The following ACADM variants were observed in gnomAD, a reference collection of about 807,000 sequenced individuals.
ACADM encodes medium-chain specific acyl-CoA dehydrogenase, mitochondrial.
ACADM carries 49 observed loss-of-function variants against 58.9 expected under a neutral mutation model. The ratio of observed to expected loss-of-function variants is 0.83; its 90% CI spans 0.66 to 1.06. The LOEUF is 1.06. Among genes scored for constraint, ACADM ranks in the 50% least tolerant of loss-of-function variants. The pLI is 0.00. For synonymous variants in ACADM, 160 were observed against 157.7 expected (o/e 1.01, Z -0.11); for missense variants, 496 against 507.0 (o/e 0.98, Z 0.21).
At chr1:75,761,793 C>A (rs1302797212) in intron 11 of ACADM, among the ~76,000 whole-genome samples, 2 of 152,024 alleles carry the variant, frequency 1.3e-5, no homozygotes, top group African/African-American at 4.8e-5. Flanking sequence ...AGATTAATTC[C>A]AAATTAAATT....
intron 7 of ACADM, chr1:75,745,463 G>A (rs549639246): frequency 3.9e-6 from 1 of 254,660 alleles, no homozygotes. Context: ...TCCAGCCTGC[G>A]CAACAGAGTG....
chr1:75,728,568 A>G (rs1029880524), intron 2 of ACADM, 80 bp downstream of exon 2: 1 of 1,058,320 alleles, frequency 9.4e-7, no homozygotes, highest in Non-Finnish European at 1.5e-6. Context: ...ATGTTTGTAA[A>G]TAAACTTAAT....
At chr1:75,730,966 C>T (rs1053789331) in intron 2 of ACADM, among the ~76,000 whole-genome samples, 2 of 152,044 alleles carry the variant, frequency 1.3e-5, no homozygotes, top group African/African-American at 4.8e-5. Context: ...ACTAGAATTT[C>T]CTTACTCTGC....
At chr1:75,752,933 G>T (rs1648285187) in intron 10 of ACADM, among the ~76,000 whole-genome samples, 1 of 152,124 alleles carries the variant, frequency 6.6e-6, no homozygotes, top group African/African-American at 2.4e-5. Flanking sequence ...GTACTCCAGA[G>T]ATTTCACCAT....
intron 8 of ACADM, among the ~76,000 whole-genome samples, chr1:75,746,696 T>C (rs2100410771): frequency 6.6e-6 from 1 of 151,598 alleles, no homozygotes; most frequent in East Asian, 1.9e-4. Context: ...CCTCCTGGGC[T>C]CAAACAATCA....
chr1:75,753,321 CTG>C (rs1212668039), intron 10 of ACADM, among the ~76,000 whole-genome samples: 2 of 152,132 alleles, frequency 1.3e-5, no homozygotes, highest in East Asian at 3.9e-4. Flanking sequence ...GAGCCCAAAT[CTG>C]AGTCTGATTT....
intron 1 of ACADM, among the ~76,000 whole-genome samples, chr1:75,728,123 C>G (rs895846290): frequency 6.6e-5 from 10 of 152,116 alleles, no homozygotes; most frequent in Admixed American, 5.9e-4. Context: ...CTACTACTAC[C>G]CTTGACTGTT....
chr1:75,733,604 T>C lies in ACADM; in HGVS notation c.363T>C (p.Thr121=), dbSNP rs766081723. The change falls in exon 5 of 12, where the codon ACT becomes ACC. Residue 121 remains threonine, a synonymous_variant. Transcript: ENST00000370841. The part of the protein sequence containing the change: ...ELAYGCTGVQ[T]AIEGNSLGQM... ...CTTATGGATGTACAGGGGTTCAGAC[T>C]GCTATTGAAGGAAATTCTTTGGGGG... is the stretch of plus-strand genomic sequence containing the variant. The C allele has an allele frequency of 2.5e-5, 41 of 1,613,882 alleles. No homozygotes were observed. The highest frequency in any genetic ancestry group is 3.4e-5 in the Non-Finnish European group (40 of 1,179,936).
At chr1:75,750,655 A>G in intron 10 of ACADM, 109 bp downstream of exon 10, 1 of 790,340 alleles carries the variant, frequency 1.3e-6, no homozygotes, top group Non-Finnish European at 2.2e-6. Flanking sequence ...TTTGATAGCA[A>G]GAAGATAATG....
chr1:75,726,430 G>A (rs951881669), intron 1 of ACADM, among the ~76,000 whole-genome samples: 3 of 151,316 alleles, frequency 2.0e-5, no homozygotes, highest in African/African-American at 7.3e-5. Flanking sequence ...TTTTGTGCAT[G>A]GTATTTAAAA....
chr1:75,742,790 G>A (rs866715902), intron 7 of ACADM, among the ~76,000 whole-genome samples: 2 of 152,134 alleles, frequency 1.3e-5, no homozygotes, highest in Non-Finnish European at 2.9e-5. Context: ...TGACCTCAGG[G>A]AACCTCTGCT....
At chr1:75,746,026 A>G in intron 8 of ACADM, 112 bp downstream of exon 8, 1 of 788,118 alleles carries the variant, frequency 1.3e-6, no homozygotes, top group Non-Finnish European at 2.1e-6. Context: ...TGGAGTAAAA[A>G]TAAAGCTATG....
chr1:75,732,163 A>T (rs1182881710), intron 2 of ACADM, among the ~76,000 whole-genome samples: 1 of 151,274 alleles, frequency 6.6e-6, no homozygotes, highest in African/African-American at 2.4e-5. Context: ...AAAAAAAAGC[A>T]AAATTATGAT....
intron 7 of ACADM, chr1:75,743,894 G>A (rs1044012689): frequency 4.9e-6 from 7 of 1,441,004 alleles, no homozygotes; most frequent in African/African-American, 2.8e-5. Context: ...ACAACAGGCT[G>A]TTCCTGCAAG....
At chr1:75,741,278 A>G (rs1469057960) in intron 7 of ACADM, among the ~76,000 whole-genome samples, 2 of 152,202 alleles carry the variant, frequency 1.3e-5, no homozygotes, top group Non-Finnish European at 2.9e-5. Context: ...GCCTACTAAA[A>G]AGTTACTTAG....
intron 1 of ACADM, among the ~76,000 whole-genome samples, chr1:75,726,799 A>G (rs1417301942): frequency 7.9e-6 from 1 of 126,376 alleles, no homozygotes; most frequent in Non-Finnish European, 1.7e-5. Context: ...AAACTGTTTC[A>G]CTTTTTTTTT....
intron 7 of ACADM, chr1:75,743,309 G>T: frequency 2.4e-6 from 3 of 1,242,804 alleles, no homozygotes; most frequent in Non-Finnish European, 3.4e-6. Flanking sequence ...CTTGCTTGAG[G>T]CCAACAGCAT....
rs760335676 is a variant in ACADM at position 75,761,222 on chromosome 1, G to A, written c.1046G>A (p.Arg349Gln). 17 of 1,614,018 alleles carry A rather than the reference G, an allele frequency of 1.1e-5. No individual in the cohort carries two copies. The highest frequency in any genetic ancestry group is 4.0e-5 in the African/African-American group (3 of 74,912). The change falls in exon 11 of 12, where the codon CGA (arginine) becomes CAA (glutamine). Residue 349 changes from arginine to glutamine, a missense_variant. Coordinates refer to ENST00000370841, the MANE Select transcript of ACADM (RefSeq NM_000016.6). ...RAAWEVDSGR[R>Q]NTYYASIAKA... ...GCTTGGGAGGTTGATTCTGGTCGTC[G>A]AAATACCTATTATGCTTCTATTGCA...
At chr1:75,749,635 G>T in intron 9 of ACADM, 76 bp downstream of exon 9, 1 of 1,290,006 alleles carries the variant, frequency 7.8e-7, no homozygotes. Context: ...CTTTAAAATT[G>T]TATGTTCAGT....
Sources: gnomAD v4.1 joint callset for allele counts (sites outside exome capture counted in the v4.1 genomes callset) on GRCh38, gnomAD v4.1.1 for gene constraint, MANE v1.5 for transcripts, NCBI Gene and HGNC (gene_info 2026-07-23, HGNC 2026-07-21) for gene names.